PPARGC1A: variants seen among roughly 807,000 people sequenced by gnomAD.
The protein encoded by PPARGC1A is peroxisome proliferator-activated receptor gamma coactivator 1-alpha.
In PPARGC1A, 25 loss-of-function variants were observed where a neutral mutation model predicts 88.7. The observed-to-expected ratio is 0.28, with a 90% CI of 0.21 to 0.39. The LOEUF is 0.39. PPARGC1A is among the 10% of genes least tolerant of loss of function. The pLI is 1.00. For synonymous variants in PPARGC1A, 363 were observed against 355.6 expected, an observed-to-expected ratio of 1.02 and a Z score of -0.24; for missense variants, 880 against 968.7, an observed-to-expected ratio of 0.91 and a Z score of 1.22.
At chr4:24,161,977 C>T in the PPARGC1A span, among the ~76,000 whole-genome samples, 246 of 142,408 alleles carry the variant, frequency 1.7e-3, no homozygotes, top group African/African-American at 5.9e-3. Context: ...CACACACACA[C>T]ACACACACAC....
chr4:23,960,030 G>A, the PPARGC1A span, among the ~76,000 whole-genome samples: 1 of 152,120 alleles, frequency 6.6e-6, no homozygotes, highest in Admixed American at 6.6e-5. Context: ...ATAAATTATA[G>A]TTAGTTCACA....
the PPARGC1A span, among the ~76,000 whole-genome samples, chr4:24,471,684 T>A: frequency 9.7e-4 from 147 of 152,128 alleles, no homozygotes; most frequent in African/African-American, 3.1e-3. This position sits in a 1 kb window ranked among gnomAD's most constrained non-coding sequence, Gnocchi z 5.4. Flanking sequence ...CACGCACACC[T>A]ACAGGCCGGC....
chr4:24,198,618 A>C, the PPARGC1A span, among the ~76,000 whole-genome samples: 1 of 152,222 alleles, frequency 6.6e-6, no homozygotes, highest in African/African-American at 2.4e-5. Context: ...TTTAGCAATT[A>C]GCAGCCCCTC....
At chr4:23,819,681 C>T (rs1393486938) in intron 7 of PPARGC1A, among the ~76,000 whole-genome samples, 1 of 152,076 alleles carries the variant, frequency 6.6e-6, no homozygotes, top group Non-Finnish European at 1.5e-5. Flanking sequence ...ATTATAGACA[C>T]TGGGTCAAAA....
At chr4:23,921,576 A>T in the PPARGC1A span, among the ~76,000 whole-genome samples, 1 of 152,166 alleles carries the variant, frequency 6.6e-6, no homozygotes, top group Non-Finnish European at 1.5e-5. Flanking sequence ...TTCACTGGCG[A>T]CAATAGAACT....
chr4:23,932,163 A>C, the PPARGC1A span, among the ~76,000 whole-genome samples: 1 of 152,198 alleles, frequency 6.6e-6, no homozygotes, highest in African/African-American at 2.4e-5. Flanking sequence ...TAATCAGACA[A>C]ATGTATAGAG....
At chr4:23,975,820 C>G in the PPARGC1A span, among the ~76,000 whole-genome samples, 1 of 152,230 alleles carries the variant, frequency 6.6e-6, no homozygotes, top group Non-Finnish European at 1.5e-5. Flanking sequence ...GTGGTGCAAT[C>G]TTGAGCAAAT....
chr4:23,940,295 T>A, the PPARGC1A span, among the ~76,000 whole-genome samples: 5 of 152,152 alleles, frequency 3.3e-5, no homozygotes, highest in African/African-American at 1.2e-4. Context: ...CAAACCATCT[T>A]ATAACAGAGA....
the PPARGC1A span, among the ~76,000 whole-genome samples, chr4:24,064,272 G>A: frequency 1.1e-4 from 17 of 152,168 alleles, no homozygotes; most frequent in African/African-American, 2.4e-4. Flanking sequence ...GTGACAATGC[G>A]ATACCCTGGC....
At chr4:23,906,737 A>G (rs182107527), upstream of PPARGC1A, among the ~76,000 whole-genome samples, 32 of 152,302 alleles carry the variant, frequency 2.1e-4, no homozygotes, top group African/African-American at 7.0e-4. Flanking sequence ...CTTAGCATCA[A>G]TAGTAGAATC....
chr4:24,065,749 T>C, the PPARGC1A span, among the ~76,000 whole-genome samples: 1 of 152,110 alleles, frequency 6.6e-6, no homozygotes, highest in African/African-American at 2.4e-5. Context: ...TTTCTCTCCC[T>C]AGGTTAGTGG....
the PPARGC1A span, among the ~76,000 whole-genome samples, chr4:23,966,540 G>A: frequency 2.0e-5 from 3 of 152,226 alleles, no homozygotes; most frequent in East Asian, 5.8e-4. Flanking sequence ...CAAATACCAG[G>A]AATCACATTA....
the PPARGC1A span, among the ~76,000 whole-genome samples, chr4:24,202,152 G>T: frequency 1.3e-5 from 2 of 152,074 alleles, no homozygotes; most frequent in African/African-American, 4.8e-5. Context: ...CGCTGGGATT[G>T]CAGGCATGAG....
chr4:24,404,152 A>T, the PPARGC1A span, among the ~76,000 whole-genome samples: 16 of 152,202 alleles, frequency 1.1e-4, no homozygotes, highest in African/African-American at 3.9e-4. Context: ...AATCCCAGCT[A>T]CTCAGGAGGC....
chr4:23,841,892 A>C, intron 2 of PPARGC1A, among the ~76,000 whole-genome samples: 1 of 152,128 alleles, frequency 6.6e-6, no homozygotes, highest in African/African-American at 2.4e-5. Context: ...CCTGATGTTG[A>C]GTTAATTTCT....
chr4:23,938,717 A>T, the PPARGC1A span, among the ~76,000 whole-genome samples: 1 of 152,222 alleles, frequency 6.6e-6, no homozygotes, highest in Admixed American at 6.5e-5. Flanking sequence ...TAGAGAAAAC[A>T]TGGAGGTTTG....
At chr4:24,179,150 C>T in the PPARGC1A span, among the ~76,000 whole-genome samples, 1 of 152,112 alleles carries the variant, frequency 6.6e-6, no homozygotes, top group Non-Finnish European at 1.5e-5. Context: ...GGCATAGTTG[C>T]AACTGTGAGA....
At chr4:23,842,236 A>G (rs1727186469) in intron 2 of PPARGC1A, among the ~76,000 whole-genome samples, 1 of 152,094 alleles carries the variant, frequency 6.6e-6, no homozygotes, top group Non-Finnish European at 1.5e-5. Context: ...TGCTTTGCAA[A>G]TGATTCTCAC....
chr4:24,362,425 G>A, the PPARGC1A span, among the ~76,000 whole-genome samples: 2 of 151,728 alleles, frequency 1.3e-5, no homozygotes, highest in African/African-American at 2.4e-5. Context: ...CTACACTTAG[G>A]ATTAAAGAAG....
Sources: gnomAD v4.1 joint callset for allele counts (sites outside exome capture counted in the v4.1 genomes callset) on GRCh38, gnomAD v4.1.1 for gene constraint, Gnocchi (gnomAD v3.1) non-coding constraint, MANE v1.5 for transcripts, NCBI Gene and HGNC (gene_info 2026-07-23, HGNC 2026-07-21) for gene names.